GLRA1: variants seen among roughly 807,000 people sequenced by gnomAD.
GLRA1 encodes the protein glycine receptor alpha 1.
A neutral mutation model predicts 48.3 loss-of-function variants in GLRA1; 37 were observed. That is an observed-to-expected ratio of 0.77 (90% CI 0.59 to 1.01). The LOEUF is 1.01. Ranked by LOEUF, GLRA1 falls within the 50% of genes least tolerant of loss-of-function variation. GLRA1 has a pLI of 0.00. For missense variants in GLRA1, 427 were observed against 571.0 expected (o/e 0.75, Z 2.57); for synonymous variants, 196 against 210.7 (o/e 0.93, Z 0.60).
chr5:151,913,787 A>G (rs1295995580), intron 1 of GLRA1, among the ~76,000 whole-genome samples: 6 of 152,192 alleles, frequency 3.9e-5, no homozygotes, highest in Non-Finnish European at 7.3e-5. Flanking sequence ...TAGGAAAATG[A>G]TTTAACCTCA....
rs890247708 is a variant in GLRA1 at position 151,921,903 on chromosome 5, C to T, written c.56+2591G>A. 7.9e-5 allele frequency among the ~76,000 whole-genome samples: 12 copies of T among 152,320 alleles called. 1 individual carries two copies. Among genetic ancestry groups the T allele is most frequent in the Admixed American group, 7.2e-4 (11 of 15,304 alleles). On this transcript the variant is annotated intron_variant, in intron 1 of 8. Transcript: ENST00000274576. ...TATGAAGACACAGTTGATGAGCATG[C>T]AATGCTTTTTGTCTTCCAGGACCCC...
intron 1 of GLRA1, among the ~76,000 whole-genome samples, chr5:151,924,081 G>A (rs1754946023): frequency 6.6e-6 from 1 of 152,170 alleles, no homozygotes; most frequent in Non-Finnish European, 1.5e-5. Context: ...GGAAAGCTGA[G>A]GTTTTCGGCA....
intron 1 of GLRA1, among the ~76,000 whole-genome samples, chr5:151,915,369 G>A (rs900120269): frequency 6.6e-6 from 1 of 152,114 alleles, no homozygotes; most frequent in Non-Finnish European, 1.5e-5. Context: ...TACCCCAGCA[G>A]TTTCATTCCT....
chr5:151,905,958 T>C (rs1754464843), intron 1 of GLRA1, among the ~76,000 whole-genome samples: 1 of 152,166 alleles, frequency 6.6e-6, no homozygotes, highest in South Asian at 2.1e-4. Flanking sequence ...TGTGTCATAT[T>C]CATTTTTTTA....
intron 3 of GLRA1, among the ~76,000 whole-genome samples, chr5:151,884,378 G>A (rs942139361): frequency 2.6e-5 from 4 of 151,474 alleles, no homozygotes; most frequent in South Asian, 4.2e-4. Context: ...GCAGTGAGCC[G>A]AGATCGTGCC....
intron 1 of GLRA1, among the ~76,000 whole-genome samples, chr5:151,919,352 C>A (rs1337937584): frequency 3.3e-5 from 5 of 152,198 alleles, no homozygotes; most frequent in African/African-American, 1.2e-4. Context: ...AATGTTTGGT[C>A]TCTCTTTCTC....
At chr5:151,890,983 G>A (rs1327392210) in intron 2 of GLRA1, among the ~76,000 whole-genome samples, 2 of 152,200 alleles carry the variant, frequency 1.3e-5, no homozygotes, top group Admixed American at 1.3e-4. Context: ...GCAGAGCTGT[G>A]CGGAGCAAGC....
chr5:151,834,009 C>T (rs1358017485), intron 7 of GLRA1, among the ~76,000 whole-genome samples: 1 of 152,104 alleles, frequency 6.6e-6, no homozygotes, highest in Non-Finnish European at 1.5e-5. Flanking sequence ...GAGACTTAGA[C>T]TCTCACACAA....
chr5:151,913,129 G>A (rs1382769353), intron 1 of GLRA1, among the ~76,000 whole-genome samples: 1 of 152,226 alleles, frequency 6.6e-6, no homozygotes, highest in Admixed American at 6.5e-5. Flanking sequence ...CGTTTGTTAA[G>A]GGATTGTGCT....
At chr5:151,823,514 G>A (rs1015168037) in intron 8 of GLRA1, among the ~76,000 whole-genome samples, 1 of 152,220 alleles carries the variant, frequency 6.6e-6, no homozygotes, top group African/African-American at 2.4e-5. Flanking sequence ...TGGGTGGTAA[G>A]GGGGATGGCT....
intron 7 of GLRA1, among the ~76,000 whole-genome samples, chr5:151,840,402 T>C (rs1313098917): frequency 2.0e-5 from 3 of 151,938 alleles, no homozygotes; most frequent in African/African-American, 7.3e-5. Context: ...CTCACAAAAA[T>C]ACATATTTAA....
chr5:151,839,120 A>G (rs1763648473), intron 7 of GLRA1, among the ~76,000 whole-genome samples: 1 of 152,264 alleles, frequency 6.6e-6, no homozygotes, highest in Admixed American at 6.5e-5. Context: ...CAAAGTGCTG[A>G]AAGGAAAAGA....
chr5:151,888,194 G>A (rs1412927585), intron 2 of GLRA1, among the ~76,000 whole-genome samples: 1 of 152,078 alleles, frequency 6.6e-6, no homozygotes, highest in African/African-American at 2.4e-5. Context: ...ATGCCCTCTG[G>A]CACCCATTGC....
intron 7 of GLRA1, chr5:151,849,737 A>C: frequency 3.0e-6 from 1 of 331,456 alleles, no homozygotes; most frequent in South Asian, 3.8e-5. Context: ...TATTTTTAGT[A>C]GAGACGTGGT....
chr5:151,919,345 G>A (rs1384956841), intron 1 of GLRA1, among the ~76,000 whole-genome samples: 4 of 152,156 alleles, frequency 2.6e-5, no homozygotes, highest in Admixed American at 6.5e-5. Context: ...GTACAGAAAT[G>A]TTTGGTCTCT....
At chr5:151,841,231 ACT>A (rs1287596754) in intron 7 of GLRA1, among the ~76,000 whole-genome samples, 1 of 152,112 alleles carries the variant, frequency 6.6e-6, no homozygotes, top group Non-Finnish European at 1.5e-5. Flanking sequence ...AAGTTGGAAA[ACT>A]CACAACAATA....
At chr5:151,881,766 G>C (rs1221955593) in intron 3 of GLRA1, among the ~76,000 whole-genome samples, 3 of 152,156 alleles carry the variant, frequency 2.0e-5, no homozygotes, top group Non-Finnish European at 4.4e-5. Context: ...AGAGACCCCT[G>C]TTGCTTTGCT....
intron 1 of GLRA1, among the ~76,000 whole-genome samples, chr5:151,922,256 C>T (rs574108422): frequency 1.3e-5 from 2 of 152,322 alleles, no homozygotes; most frequent in South Asian, 2.1e-4. Context: ...CCTCCATCTA[C>T]CCCCAAATAC....
At chr5:151,844,621 C>CAAAAAAAAAAAAAA (rs202218874) in intron 7 of GLRA1, among the ~76,000 whole-genome samples, 2 of 49,744 alleles carry the variant, frequency 4.0e-5, no homozygotes, top group Middle Eastern at 0.012. Context: ...TACTCTATCT[C>CAAAAAAAAAAAAAA]AAAAAAAAAA....
Sources: allele counts gnomAD v4.1 joint callset (sites outside exome capture counted in the v4.1 genomes callset), GRCh38; gene constraint gnomAD v4.1.1; transcripts MANE v1.5; gene names NCBI Gene and HGNC (gene_info 2026-07-23, HGNC 2026-07-21).